PDE4B: variants seen among roughly 807,000 people sequenced by gnomAD.
The protein encoded by PDE4B is phosphodiesterase 4B.
PDE4B carries 20 observed loss-of-function variants against 82.2 expected under a neutral mutation model. That is an observed-to-expected ratio of 0.24 (90% CI 0.17 to 0.35). The LOEUF (loss-of-function observed/expected upper bound fraction) is 0.35, where lower values mean the gene tolerates loss of function less well. Ranked by LOEUF, PDE4B falls within the 10% of genes least tolerant of loss-of-function variation. PDE4B has a pLI of 1.00. For missense variants in PDE4B, 655 were observed against 907.2 expected (o/e 0.72, Z 3.57); for synonymous variants, 320 against 318.9 (o/e 1.00, Z -0.04).
Position 66,003,346 on chromosome 1 carries a change from AT to A in PDE4B, c.281+84514del, listed in dbSNP as rs1017481761. ...TGTCTTGTTTTGCTCTCATCAATAC[AT>A]TTAAAAAAAAAAAACATTTATCATC... On this transcript the variant is annotated intron_variant, in intron 3 of 16. Coordinates refer to ENST00000341517, the MANE Select transcript of PDE4B (RefSeq NM_002600.4). 1.2e-4 allele frequency among the ~76,000 whole-genome samples: 4 copies of A among 33,850 alleles called. No homozygotes were observed. The East Asian group carries it at 0.012, about 104-fold the overall frequency. 22.2% of individuals were successfully genotyped at this position (33,850 alleles called of 152,430 possible).
chr1:65,798,145 G>A (rs1252207363), intron 1 of PDE4B, among the ~76,000 whole-genome samples: 4 of 151,302 alleles, frequency 2.6e-5, no homozygotes, highest in South Asian at 4.2e-4. Flanking sequence ...AGCCTCCCAA[G>A]TAGCTGGGAT....
rs1403426734 is a variant in PDE4B, at chr1:66,129,681, C to CA, written c.282-117772dup. On this transcript the variant is annotated intron_variant, in intron 3 of 16. Coordinates refer to ENST00000341517, the MANE Select transcript of PDE4B (RefSeq NM_002600.4). ...TCTCAAAAAAAAAAAAACAAAAAAACAAAAAAACAAAAAAACAAAAAAAAA... is the reference window on the plus strand; with the variant it reads ...TCTCAAAAAAAAAAAAACAAAAAAACAAAAAAAACAAAAAAACAAAAAAAAA... 9.5e-5 allele frequency among the ~76,000 whole-genome samples: 5 copies of CA among 52,386 alleles called. 1 individual carries two copies. The highest frequency in any genetic ancestry group is 3.1e-4 in the African/African-American group (4 of 13,082). The allele number at this position is 52,386 out of a possible 152,430, so 34.4% of individuals were successfully genotyped here.
At chr1:65,867,132 C>T (rs1403023149) in intron 1 of PDE4B, among the ~76,000 whole-genome samples, 1 of 152,056 alleles carries the variant, frequency 6.6e-6, no homozygotes, top group Non-Finnish European at 1.5e-5. Context: ...TATTGAGGTA[C>T]ATTATAGTAT....
At chr1:65,806,268 ACTT>A (rs1441632545) in intron 1 of PDE4B, among the ~76,000 whole-genome samples, 2 of 152,146 alleles carry the variant, frequency 1.3e-5, no homozygotes, top group East Asian at 3.8e-4. Flanking sequence ...AATTTCTATT[ACTT>A]CTTAGTGATA....
At chr1:66,359,959 C>T (rs1477624575) in intron 9 of PDE4B, among the ~76,000 whole-genome samples, 1 of 152,110 alleles carries the variant, frequency 6.6e-6, no homozygotes, top group African/African-American at 2.4e-5. Flanking sequence ...ATAAATTGCC[C>T]TCTGAGCTTG....
intron 3 of PDE4B, among the ~76,000 whole-genome samples, chr1:66,147,663 C>A (rs951360011): frequency 3.3e-5 from 5 of 152,118 alleles, no homozygotes; most frequent in African/African-American, 1.2e-4. Context: ...ATGGAATGAG[C>A]AAATTATAGA....
At chr1:65,873,403 T>C (rs996167438) in intron 1 of PDE4B, among the ~76,000 whole-genome samples, 1 of 152,194 alleles carries the variant, frequency 6.6e-6, no homozygotes, top group Non-Finnish European at 1.5e-5. Flanking sequence ...TAGGGATCAC[T>C]GAATATTTTT....
chr1:66,341,731 T>C (rs144057771), intron 8 of PDE4B, among the ~76,000 whole-genome samples: 6 of 152,354 alleles, frequency 3.9e-5, no homozygotes, highest in Non-Finnish European at 7.4e-5. Context: ...TGGAAAGTTT[T>C]ACCACTTGGA....
chr1:65,927,589 TATG>T (rs1647581498), intron 3 of PDE4B, among the ~76,000 whole-genome samples: 1 of 151,384 alleles, frequency 6.6e-6, no homozygotes, highest in African/African-American at 2.4e-5. Context: ...TTGTTAAACT[TATG>T]ATAAGGCACT....
chr1:66,272,302 G>A (rs1234174921), intron 7 of PDE4B, among the ~76,000 whole-genome samples: 1 of 152,180 alleles, frequency 6.6e-6, no homozygotes, highest in Admixed American at 6.5e-5. Flanking sequence ...CAGGATCGAA[G>A]TTAGGGAGAC....
intron 8 of PDE4B, among the ~76,000 whole-genome samples, chr1:66,338,809 G>T (rs1213999290): frequency 6.6e-6 from 1 of 152,008 alleles, no homozygotes; most frequent in African/African-American, 2.4e-5. Flanking sequence ...ACAAGGTCAG[G>T]ATATCGAGAC....
chr1:66,342,526 A>T (rs1661065896), intron 8 of PDE4B, among the ~76,000 whole-genome samples: 1 of 150,768 alleles, frequency 6.6e-6, no homozygotes, highest in African/African-American at 2.4e-5. Flanking sequence ...CCTGGCCAAC[A>T]TGATGAAATA....
chr1:66,311,679 G>T (rs1029860595), intron 7 of PDE4B, among the ~76,000 whole-genome samples: 2 of 152,338 alleles, frequency 1.3e-5, no homozygotes, highest in South Asian at 4.1e-4. Context: ...CACATGCCAG[G>T]CCTGCTCAAG....
intron 3 of PDE4B, among the ~76,000 whole-genome samples, chr1:65,966,550 T>C (rs1649842848): frequency 3.3e-5 from 5 of 152,148 alleles, no homozygotes; most frequent in Non-Finnish European, 7.4e-5. Flanking sequence ...AAAATTACTT[T>C]AAATTTTACA....
intron 7 of PDE4B, chr1:66,330,930 GA>G (rs779836350): frequency 1.8e-4 from 51 of 284,946 alleles, no homozygotes; most frequent in Non-Finnish European, 2.6e-4. Flanking sequence ...AAAAATGGAG[GA>G]AGTTACCTCC....
intron 1 of PDE4B, among the ~76,000 whole-genome samples, chr1:65,809,266 G>A (rs1645791790): frequency 7.0e-6 from 1 of 142,200 alleles, no homozygotes; most frequent in African/African-American, 2.5e-5. Context: ...GGGAGGCAGA[G>A]GTTGCAGTGA....
intron 1 of PDE4B, among the ~76,000 whole-genome samples, chr1:65,843,425 C>T (rs765934630): frequency 6.6e-6 from 1 of 152,104 alleles, no homozygotes; most frequent in Non-Finnish European, 1.5e-5. Flanking sequence ...TAAGAGAGTG[C>T]ATGAAAATTT....
chr1:66,234,245 A>G (rs1377416552), intron 3 of PDE4B, among the ~76,000 whole-genome samples: 6 of 152,206 alleles, frequency 3.9e-5, no homozygotes, highest in Non-Finnish European at 7.3e-5. Flanking sequence ...GTGTTTTACA[A>G]GGAATTCGTC....
chr1:66,094,362 C>A (rs1212996105), intron 3 of PDE4B: 1 of 152,006 alleles, frequency 6.6e-6, no homozygotes, highest in Non-Finnish European at 1.5e-5. Flanking sequence ...AAAGATCTAC[C>A]ATTTAGTCAA....
Sources: gnomAD v4.1 joint callset for allele counts (sites outside exome capture counted in the v4.1 genomes callset) on GRCh38, gnomAD v4.1.1 for gene constraint, MANE v1.5 for transcripts, NCBI Gene and HGNC (gene_info 2026-07-23, HGNC 2026-07-21) for gene names.